The following RBPJ variants were observed in gnomAD, a reference collection of about 807,000 sequenced individuals.
RBPJ encodes the protein recombining binding protein suppressor of hairless.
RBPJ carries 9 observed loss-of-function variants against 67.8 expected under a neutral mutation model. The observed-to-expected ratio is 0.13, with a 90% CI of 0.08 to 0.23. The LOEUF (loss-of-function observed/expected upper bound fraction) is 0.23, where lower values mean the gene tolerates loss of function less well. Ranked by LOEUF, RBPJ falls within the 10% of genes least tolerant of loss-of-function variation. The pLI, the probability that RBPJ is intolerant of heterozygous loss-of-function variation, is 1.00. For missense variants in RBPJ, 305 were observed against 595.6 expected, an observed-to-expected ratio of 0.51 and a Z score of 5.08; for synonymous variants, 198 against 203.3, an observed-to-expected ratio of 0.97 and a Z score of 0.22.
intron 1 of RBPJ, among the ~76,000 whole-genome samples, chr4:26,197,989 A>G (rs112458728): frequency 2.0e-5 from 3 of 152,192 alleles, no homozygotes; most frequent in African/African-American, 7.2e-5. Flanking sequence ...GCAGTGGCTC[A>G]CTTCACACCT....
chr4:26,290,779 T>G (rs887452648), intron 1 of RBPJ, among the ~76,000 whole-genome samples: 1 of 150,776 alleles, frequency 6.6e-6, no homozygotes, highest in Non-Finnish European at 1.5e-5. Context: ...CCTCTAAAAG[T>G]AGATAACTTA....
At chr4:26,178,607 C>CAAAA (rs1173498137) in intron 1 of RBPJ, among the ~76,000 whole-genome samples, 57 of 58,170 alleles carry the variant, frequency 9.8e-4, no homozygotes, top group Non-Finnish European at 1.2e-3. Context: ...GACCCCGTAT[C>CAAAA]AAAAAAAAAA....
Position 26,434,018 on chromosome 4 carries a change from T to C in RBPJ, c.*3011T>C, listed in dbSNP as rs185415047. The C allele has an allele frequency of 1.3e-5, 2 of 152,346 alleles. No individual in the cohort carries two copies. Among genetic ancestry groups the C allele is most frequent in the Admixed American group, 1.3e-4 (2 of 15,310 alleles). 9.4% of individuals were successfully genotyped at this position (152,346 alleles called of 1,614,324 possible). A position where few individuals can be genotyped will look rare whatever the true frequency, so the allele number is the denominator to read the frequency against. On this transcript the variant is annotated 3_prime_UTR_variant, in exon 11 of 11. Coordinates refer to ENST00000355476, the MANE Select transcript of RBPJ (RefSeq NM_015874.6). ...ATACACATAGAAGCTGAGTCTCTGA[T>C]CCAATATGTTTTTATTTGTTCCATT...
At chr4:26,113,220 G>A in the RBPJ span, 9 of 289,224 alleles carry the variant, frequency 3.1e-5, no homozygotes, top group Non-Finnish European at 5.6e-5. Context: ...TAGTACACAT[G>A]GGGGGAAGCC....
At chr4:26,401,783 A>G (rs62411617) in intron 2 of RBPJ, among the ~76,000 whole-genome samples, 3,444 of 152,250 alleles carry the variant, frequency 0.023, 56 homozygotes, top group Non-Finnish European at 0.036. Flanking sequence ...AAACTATTCA[A>G]ATATATAGTA....
intron 1 of RBPJ, among the ~76,000 whole-genome samples, chr4:26,283,572 A>G (rs1017334642): frequency 1.3e-5 from 2 of 151,840 alleles, no homozygotes; most frequent in African/African-American, 4.8e-5. Context: ...TAAAATAAAG[A>G]TATAGGATTT....
At chr4:26,110,410 C>T in the RBPJ span, among the ~76,000 whole-genome samples, 1 of 152,290 alleles carries the variant, frequency 6.6e-6, no homozygotes, top group South Asian at 2.1e-4. The surrounding 1 kb of genome is among the most constrained non-coding windows in gnomAD (Gnocchi z 4.5). Flanking sequence ...GGAAAACCTC[C>T]TGCTGGGCAC....
chr4:26,276,110 A>G (rs1577380597), intron 1 of RBPJ, among the ~76,000 whole-genome samples: 1 of 151,098 alleles, frequency 6.6e-6, no homozygotes, highest in East Asian at 2.0e-4. Context: ...CCGCATCTCT[A>G]CTAAAAATAC....
chr4:26,424,415 G>A lies in RBPJ; in HGVS notation c.570G>A (p.Leu190=). Residue 190 remains leucine, a synonymous_variant, in exon 6 of 11, where the codon TTG becomes TTA. Transcript: ENST00000355476. The surrounding 1 kb of genome is among the most constrained non-coding windows in gnomAD (Gnocchi z 5.3). ...LRSQTVSTRY[L]HVEGGNFHAS... ...CCCAGACAGTTAGTACCAGATACTT[G>A]CATGTAGAAGGAGGTAATTTTCATG... 6.2e-7 allele frequency: 1 copy of A among 1,614,050 alleles called. No homozygotes were observed. The highest frequency in any genetic ancestry group is 8.5e-7 in the Non-Finnish European group (1 of 1,179,930).
chr4:26,200,163 A>G (rs772674989), intron 1 of RBPJ, among the ~76,000 whole-genome samples: 1 of 152,240 alleles, frequency 6.6e-6, no homozygotes, highest in Non-Finnish European at 1.5e-5. Flanking sequence ...AGAAAATAGG[A>G]CTTTGAGTGA....
chr4:26,251,847 C>CAAAAAAAAAAA (rs769291407), intron 1 of RBPJ, among the ~76,000 whole-genome samples: 1 of 49,466 alleles, frequency 2.0e-5, no homozygotes, highest in Non-Finnish European at 3.6e-5. Context: ...GACTCCGTCT[C>CAAAAAAAAAAA]AAAAAAAAAA....
chr4:26,186,189 T>C (rs1205621345), intron 1 of RBPJ, among the ~76,000 whole-genome samples: 4 of 140,430 alleles, frequency 2.8e-5, no homozygotes, highest in Admixed American at 1.4e-4. Flanking sequence ...CCCCCCTTTT[T>C]TTTAAAAAAA....
rs1736047577 is a variant in RBPJ, at chr4:26,429,963, T to C, written c.954T>C (p.Ile318=). 8.1e-6 allele frequency: 13 copies of C among 1,613,970 alleles called. No homozygotes were observed. Among genetic ancestry groups the C allele is most frequent in the Non-Finnish European group, 1.1e-5 (13 of 1,179,948 alleles). ...ATGATGGCGCTTCCTGGACAATCAT[T>C]AGCACAGATAAGGCAGAGTATACAT... is the stretch of plus-strand genomic sequence containing the variant. The part of the protein sequence containing the change: ...MINDGASWTI[I]STDKAEYTFY... Residue 318 remains isoleucine, a synonymous_variant, in exon 9 of 11, where the codon ATT becomes ATC. Transcript: ENST00000355476.
the RBPJ span, among the ~76,000 whole-genome samples, chr4:26,109,558 CCTCT>C: frequency 3.8e-3 from 113 of 30,098 alleles, 6 homozygotes; most frequent in Non-Finnish European, 5.1e-3. Flanking sequence ...TGTCCACCTT[CCTCT>C]CTCTCTCTCT....
intron 1 of RBPJ, among the ~76,000 whole-genome samples, chr4:26,293,849 C>T (rs1261803527): frequency 6.6e-6 from 1 of 152,092 alleles, no homozygotes; most frequent in African/African-American, 2.4e-5. Context: ...CCTCTGCCTC[C>T]CAGGTTCAAG....
intron 1 of RBPJ, chr4:26,321,340 C>T (rs1360814000): frequency 4.7e-5 from 7 of 150,336 alleles, no homozygotes; most frequent in African/African-American, 1.7e-4. Context: ...CCGTGCCTCC[C>T]GCGCGCCTCC....
intron 1 of RBPJ, among the ~76,000 whole-genome samples, chr4:26,226,042 G>A (rs556306617): frequency 1.3e-5 from 2 of 151,868 alleles, no homozygotes; most frequent in Admixed American, 6.6e-5. Context: ...TCAGCTACTC[G>A]GGAGGCTGAA....
At chr4:26,246,358 T>G (rs1190196510) in intron 1 of RBPJ, among the ~76,000 whole-genome samples, 1 of 152,248 alleles carries the variant, frequency 6.6e-6, no homozygotes, top group Non-Finnish European at 1.5e-5. Flanking sequence ...AATTTCATTT[T>G]CAGATTTTTC....
chr4:26,214,970 G>A (rs1390662143), intron 1 of RBPJ, among the ~76,000 whole-genome samples: 1 of 16,988 alleles, frequency 5.9e-5, no homozygotes, highest in South Asian at 2.2e-3. Flanking sequence ...GAGGGAGGGA[G>A]GGAGGGAAGG....
Sources: allele counts gnomAD v4.1 joint callset (sites outside exome capture counted in the v4.1 genomes callset), GRCh38; gene constraint gnomAD v4.1.1; non-coding constraint Gnocchi (gnomAD v3.1); transcripts MANE v1.5; gene names NCBI Gene and HGNC (gene_info 2026-07-23, HGNC 2026-07-21).